CEP63: variants seen among roughly 807,000 people sequenced by gnomAD.
CEP63 encodes centrosomal protein 63.
A neutral mutation model predicts 89.1 loss-of-function variants in CEP63; 84 were observed. That is an observed-to-expected ratio of 0.94 (90% CI 0.79 to 1.13). CEP63 has a LOEUF of 1.13. CEP63 is among the 50% of genes most tolerant of loss of function. CEP63 has a pLI of 0.00. For missense variants in CEP63, 838 were observed against 813.3 expected (o/e 1.03, Z -0.37); for synonymous variants, 267 against 272.5 (o/e 0.98, Z 0.20).
At chr3:134,509,584 T>A (rs1944353916) in intron 3 of CEP63, among the ~76,000 whole-genome samples, 2 of 152,234 alleles carry the variant, frequency 1.3e-5, no homozygotes, top group South Asian at 4.1e-4. Flanking sequence ...AGTGCATTAT[T>A]TTTTATATCT....
the CEP63 span, among the ~76,000 whole-genome samples, chr3:134,629,915 C>G: frequency 6.6e-6 from 1 of 152,200 alleles, no homozygotes; most frequent in Non-Finnish European, 1.5e-5. Context: ...CCCTGTCTCT[C>G]CCACTGAATG....
chr3:134,739,143 T>C, the CEP63 span, among the ~76,000 whole-genome samples: 8 of 152,186 alleles, frequency 5.3e-5, no homozygotes, highest in Middle Eastern at 3.2e-3. Context: ...CCTAGGTATA[T>C]ACCCTAAATA....
chr3:134,675,262 G>C, the CEP63 span, among the ~76,000 whole-genome samples: 2 of 152,110 alleles, frequency 1.3e-5, no homozygotes, highest in African/African-American at 4.8e-5. Flanking sequence ...TTTAAACAAG[G>C]GTGTCAAGAC....
the CEP63 span, among the ~76,000 whole-genome samples, chr3:134,735,292 G>A: frequency 6.6e-6 from 1 of 151,754 alleles, no homozygotes; most frequent in Non-Finnish European, 1.5e-5. Context: ...CTTTTTTTTG[G>A]ATGTACTATA....
chr3:134,529,540 C>T (rs975307557), intron 3 of CEP63, among the ~76,000 whole-genome samples: 2 of 152,046 alleles, frequency 1.3e-5, no homozygotes, highest in African/African-American at 2.4e-5. Flanking sequence ...GAGGTTTTGT[C>T]GTGTTGGCCA....
At chr3:134,611,610 G>A in the CEP63 span, among the ~76,000 whole-genome samples, 1 of 152,262 alleles carries the variant, frequency 6.6e-6, no homozygotes, top group African/African-American at 2.4e-5. Flanking sequence ...CCGAGGATGT[G>A]CTTGATGCCC....
At chr3:134,716,313 G>T in the CEP63 span, among the ~76,000 whole-genome samples, 1 of 152,264 alleles carries the variant, frequency 6.6e-6, no homozygotes, top group East Asian at 1.9e-4. Context: ...TGCTCATATT[G>T]TCAAGTGTTT....
chr3:134,496,437 G>GGT (rs1393986536), intron 2 of CEP63, among the ~76,000 whole-genome samples: 1 of 149,542 alleles, frequency 6.7e-6, no homozygotes, highest in African/African-American at 2.5e-5. Context: ...AAAAAGGGGG[G>GGT]GGGGGCTAAA....
At chr3:134,749,364 C>G in the CEP63 span, among the ~76,000 whole-genome samples, 1 of 152,030 alleles carries the variant, frequency 6.6e-6, no homozygotes, top group African/African-American at 2.4e-5. Flanking sequence ...CGGATTTTGG[C>G]TGGGGTGGAC....
At chr3:134,768,270 C>T in the CEP63 span, among the ~76,000 whole-genome samples, 1 of 152,110 alleles carries the variant, frequency 6.6e-6, no homozygotes, top group African/African-American at 2.4e-5. Flanking sequence ...AGGCAGTGAG[C>T]CTGGAGGGTA....
chr3:134,699,157 A>G, the CEP63 span, among the ~76,000 whole-genome samples: 2 of 152,234 alleles, frequency 1.3e-5, no homozygotes, highest in Non-Finnish European at 2.9e-5. Context: ...GGATAAACAT[A>G]TCTGTCCTAA....
the CEP63 span, among the ~76,000 whole-genome samples, chr3:134,706,464 G>C: frequency 7.9e-5 from 12 of 152,124 alleles, no homozygotes; most frequent in Non-Finnish European, 1.3e-4. Flanking sequence ...CTTGGCAGGG[G>C]ACTGTTAACT....
At chr3:134,497,831 C>A (rs531653994) in intron 2 of CEP63, among the ~76,000 whole-genome samples, 1 of 151,978 alleles carries the variant, frequency 6.6e-6, no homozygotes, top group Non-Finnish European at 1.5e-5. Flanking sequence ...TTGAATAGGG[C>A]GTCCTTTTCC....
chr3:134,541,079 G>A (rs1268983305), intron 6 of CEP63, among the ~76,000 whole-genome samples: 1 of 152,044 alleles, frequency 6.6e-6, no homozygotes, highest in Non-Finnish European at 1.5e-5. Flanking sequence ...ATCGCACCTG[G>A]CCGGATGTTT....
At chr3:134,776,908 A>G in the CEP63 span, among the ~76,000 whole-genome samples, 1 of 152,334 alleles carries the variant, frequency 6.6e-6, no homozygotes, top group South Asian at 2.1e-4. Context: ...GGAGAGATGG[A>G]CAAACTGTTA....
chr3:134,745,175 T>C, the CEP63 span, among the ~76,000 whole-genome samples: 1 of 152,200 alleles, frequency 6.6e-6, no homozygotes, highest in Non-Finnish European at 1.5e-5. Flanking sequence ...TGGATGATCA[T>C]AGGGCTGGCC....
the CEP63 span, among the ~76,000 whole-genome samples, chr3:134,695,985 G>C: frequency 6.6e-6 from 1 of 152,218 alleles, no homozygotes; most frequent in Non-Finnish European, 1.5e-5. Flanking sequence ...TAGCTAGTGA[G>C]TGCCCCCGGG....
the CEP63 span, among the ~76,000 whole-genome samples, chr3:134,702,354 T>C: frequency 1.3e-5 from 2 of 148,802 alleles, no homozygotes; most frequent in Admixed American, 1.3e-4. Flanking sequence ...CACAGAATTA[T>C]AAGAAAAACT....
chr3:134,500,269 A>G (rs1941556636), intron 2 of CEP63, among the ~76,000 whole-genome samples: 1 of 152,094 alleles, frequency 6.6e-6, no homozygotes, highest in African/African-American at 2.4e-5. Flanking sequence ...TGCAAAGAAC[A>G]TTTTGTTTTT....
Sources: allele counts gnomAD v4.1 joint callset (sites outside exome capture counted in the v4.1 genomes callset), GRCh38; gene constraint gnomAD v4.1.1; transcripts MANE v1.5; gene names NCBI Gene and HGNC (gene_info 2026-07-23, HGNC 2026-07-21).